The following KAT7 variants were observed in gnomAD, a reference collection of about 807,000 sequenced individuals.
The protein encoded by KAT7 is histone acetyltransferase KAT7.
KAT7 carries 10 observed loss-of-function variants against 82.1 expected under a neutral mutation model. That is an observed-to-expected ratio of 0.12 (90% CI 0.08 to 0.21). KAT7 has a LOEUF of 0.21. Ranked by LOEUF, KAT7 falls within the 10% of genes least tolerant of loss-of-function variation. KAT7 has a pLI of 1.00. For missense variants in KAT7, 378 were observed against 760.9 expected, an observed-to-expected ratio of 0.50 and a Z score of 5.92; for synonymous variants, 250 against 262.5, an observed-to-expected ratio of 0.95 and a Z score of 0.46.
At chr17:49,798,198 A>ATAG (rs2143864755) in intron 3 of KAT7, 121 bp from the exon 4 acceptor site, 1 of 842,122 alleles carries the variant, frequency 1.2e-6, no homozygotes, top group Non-Finnish European at 1.8e-6. Flanking sequence ...TAGCAGATGA[A>ATAG]TAGCTGAAAG....
At chr17:49,816,415 C>T (rs1434364266) in intron 8 of KAT7, among the ~76,000 whole-genome samples, 2 of 125,620 alleles carry the variant, frequency 1.6e-5, no homozygotes, top group African/African-American at 4.9e-5. Context: ...GTTTTCCATT[C>T]TGATATTTAT....
Position 49,831,567 on chromosome 17 carries a change from C to G in KAT7, c.*4065C>G, listed in dbSNP as rs927498178. The G allele has an allele frequency of 6.6e-6, 1 of 152,172 alleles. No individual in the cohort carries two copies. Among genetic ancestry groups the G allele is most frequent in the Admixed American group, 6.5e-5 (1 of 15,284 alleles). The allele number at this position is 152,172 out of a possible 1,614,324, so 9.4% of individuals were successfully genotyped here. Reference sequence around the variant, plus strand: ...ATGAGAGAGCCTTGCTTCCCTGAGTCCAAATCCCATACTTTTGGCATTGTT... The same window carrying G: ...ATGAGAGAGCCTTGCTTCCCTGAGTGCAAATCCCATACTTTTGGCATTGTT... On this transcript the variant is annotated 3_prime_UTR_variant, in exon 15 of 15. Coordinates refer to ENST00000259021, the MANE Select transcript of KAT7 (RefSeq NM_007067.5).
At chr17:49,789,242 C>T in intron 1 of KAT7, 1 of 172,700 alleles carries the variant, frequency 5.8e-6, no homozygotes. Context: ...CCTGATTGGT[C>T]GAGGTTGGCA....
intron 2 of KAT7, among the ~76,000 whole-genome samples, chr17:49,796,232 GA>G (rs1341811779): frequency 6.6e-6 from 1 of 152,132 alleles, no homozygotes; most frequent in Non-Finnish European, 1.5e-5. Context: ...CTTAAGAAAG[GA>G]AATCGTTTTG....
At chr17:49,818,734 T>G (rs940067918) in intron 9 of KAT7, among the ~76,000 whole-genome samples, 1 of 79,058 alleles carries the variant, frequency 1.3e-5, no homozygotes, top group Non-Finnish European at 2.4e-5. Flanking sequence ...CAGAGAAGAC[T>G]TTTTCTTGTT....
intron 12 of KAT7, chr17:49,823,534 A>G (rs1794639454): frequency 2.1e-5 from 9 of 427,742 alleles, no homozygotes; most frequent in South Asian, 1.3e-4. Context: ...TGATAAAGTA[A>G]GCTCTTTAGG....
chr17:49,791,697 T>G (rs1025431921), intron 1 of KAT7, among the ~76,000 whole-genome samples, 189 bp from the exon 2 acceptor site: 7 of 152,188 alleles, frequency 4.6e-5, no homozygotes, highest in Admixed American at 3.3e-4. Flanking sequence ...ATTTGTAGGT[T>G]GTTCCATTTA....
chr17:49,799,461 A>G (rs557602262), intron 4 of KAT7, among the ~76,000 whole-genome samples: 3 of 149,210 alleles, frequency 2.0e-5, no homozygotes, highest in Non-Finnish European at 4.5e-5. Flanking sequence ...GCTCACTGCA[A>G]CCTCCGCCTC....
Position 49,791,982 on chromosome 17 carries a change from C to A in KAT7, c.112C>A (p.Arg38=). ...DSSESDGTSR[R]SARVTRSSAR... is the part of the protein sequence containing the mutation. ...TTCAGAAAGTGATGGCACATCCCGA[C>A]GATCTGCTCGAGTCACCCGCTCCTC... Residue 38 remains arginine (R), a synonymous_variant, in exon 2 of 15, where the codon CGA becomes AGA. Transcript: ENST00000259021. The A allele has an allele frequency of 6.2e-7, 1 of 1,614,124 alleles. No individual in the cohort carries two copies. Among genetic ancestry groups the A allele is most frequent in the Non-Finnish European group, 8.5e-7 (1 of 1,180,024 alleles).
chr17:49,792,065 C>T lies in KAT7; in HGVS notation c.163+32C>T, dbSNP rs768223492. On this transcript the variant is annotated intron_variant, in intron 2 of 14. Coordinates refer to ENST00000259021, the MANE Select transcript of KAT7 (RefSeq NM_007067.5). ...AAACCTTCATTTTTCCTTACCACTCCTCACATCTGGCTGACTGGCCCATCA... is the reference window on the plus strand; with the variant it reads ...AAACCTTCATTTTTCCTTACCACTCTTCACATCTGGCTGACTGGCCCATCA... 8 of 1,604,370 alleles carry T rather than the reference C, an allele frequency of 5.0e-6. No individual in the cohort carries two copies. The African/African-American group carries it at 6.7e-5, about 13-fold the overall frequency.
intron 1 of KAT7, chr17:49,789,642 A>G (rs1488452421): frequency 1.3e-5 from 2 of 152,160 alleles, no homozygotes; most frequent in Non-Finnish European, 2.9e-5. Flanking sequence ...AGAATATAGA[A>G]CAAATCTAAC....
intron 4 of KAT7, among the ~76,000 whole-genome samples, chr17:49,799,748 T>G (rs57093130): frequency 9.1e-4 from 138 of 152,130 alleles, no homozygotes; most frequent in African/African-American, 3.2e-3. Context: ...ACTGCAGCCT[T>G]AACTCCTAGG....
intron 4 of KAT7, among the ~76,000 whole-genome samples, chr17:49,803,212 G>A (rs2074047255): frequency 2.0e-5 from 3 of 151,652 alleles, no homozygotes; most frequent in Admixed American, 1.3e-4. Context: ...AGGTTCAAGC[G>A]ATTTGCCTGC....
chr17:49,823,184 G>C lies in KAT7; in HGVS notation c.1387-18G>C, dbSNP rs750154990. 1.4e-6 allele frequency: 2 copies of C among 1,404,166 alleles called. No homozygotes were observed. Among genetic ancestry groups the C allele is most frequent in the African/African-American group, 1.4e-5 (1 of 70,798 alleles). 87.0% of individuals were successfully genotyped at this position (1,404,166 alleles called of 1,614,324 possible). ...TCAAATCCTCATGACGTGTTCATCT[G>C]TTTGCTCTTGATTTTAGGAAAAGAA... is the stretch of plus-strand genomic sequence containing the variant. On this transcript the variant is annotated intron_variant, in intron 11 of 14. Coordinates refer to ENST00000259021, the MANE Select transcript of KAT7 (RefSeq NM_007067.5).
At chr17:49,792,431 A>G (rs1598049255) in intron 2 of KAT7, among the ~76,000 whole-genome samples, 1 of 152,028 alleles carries the variant, frequency 6.6e-6, no homozygotes, top group Non-Finnish European at 1.5e-5. Flanking sequence ...TGGTGGCTTG[A>G]TTTAATTTTT....
chr17:49,808,737 G>A (rs981622417), intron 5 of KAT7, among the ~76,000 whole-genome samples: 2 of 152,228 alleles, frequency 1.3e-5, no homozygotes, highest in East Asian at 3.9e-4. Context: ...CAGGCGTGAG[G>A]CACCACACCC....
intron 12 of KAT7, 42 bp downstream of exon 12, chr17:49,823,337 C>T: frequency 9.6e-7 from 1 of 1,041,796 alleles, no homozygotes; most frequent in African/African-American, 1.6e-5. Context: ...AAGGCAGGGA[C>T]CATGTGAATA....
chr17:49,801,774 G>T (rs1218519915), intron 4 of KAT7, among the ~76,000 whole-genome samples: 1 of 152,192 alleles, frequency 6.6e-6, no homozygotes, highest in African/African-American at 2.4e-5. Context: ...ACAGGCGTGA[G>T]CCACTGCACC....
intron 1 of KAT7, 49 bp downstream of exon 1, chr17:49,788,898 G>A (rs2073843743): frequency 6.6e-7 from 1 of 1,518,332 alleles, no homozygotes; most frequent in East Asian, 2.5e-5. Flanking sequence ...ACAGTCGATT[G>A]AGCACCGTGA....
Sources: gnomAD v4.1 joint callset for allele counts (sites outside exome capture counted in the v4.1 genomes callset) on GRCh38, gnomAD v4.1.1 for gene constraint, MANE v1.5 for transcripts, NCBI Gene and HGNC (gene_info 2026-07-23, HGNC 2026-07-21) for gene names.